The following EPHA6 variants were observed in gnomAD, a reference collection of about 807,000 sequenced individuals.
EPHA6 encodes EPH receptor A6.
EPHA6 carries 50 observed loss-of-function variants against 112.0 expected under a neutral mutation model. The observed-to-expected ratio is 0.45, with a 90% CI of 0.36 to 0.56. EPHA6 has a LOEUF of 0.56. EPHA6 is among the 20% of genes least tolerant of loss of function. The probability of loss-of-function intolerance (pLI) is 0.00; values close to 1 mark genes in which losing one functional copy is unlikely to be tolerated. For missense variants in EPHA6, 1,280 were observed against 1,417.4 expected, an observed-to-expected ratio of 0.90 and a Z score of 1.56; for synonymous variants, 529 against 490.7, an observed-to-expected ratio of 1.08 and a Z score of -1.03.
chr3:97,010,642 T>A (rs1002565011), intron 3 of EPHA6, among the ~76,000 whole-genome samples: 10 of 152,024 alleles, frequency 6.6e-5, no homozygotes, highest in South Asian at 2.1e-4. Flanking sequence ...TTATCTTATT[T>A]AAAAAAATTA....
chr3:97,604,334 C>A (rs1480624942), intron 12 of EPHA6, among the ~76,000 whole-genome samples: 1 of 151,542 alleles, frequency 6.6e-6, no homozygotes, highest in East Asian at 1.9e-4. Flanking sequence ...ATAGAGTAAC[C>A]AATCATCCTA....
At chr3:97,677,331 T>A (rs878950617) in intron 14 of EPHA6, among the ~76,000 whole-genome samples, 1 of 152,198 alleles carries the variant, frequency 6.6e-6, no homozygotes, top group Non-Finnish European at 1.5e-5. Context: ...TTTCTGTTTT[T>A]AATGTGCTTG....
At chr3:97,012,213 G>A (rs1265170345) in intron 3 of EPHA6, among the ~76,000 whole-genome samples, 1 of 152,034 alleles carries the variant, frequency 6.6e-6, no homozygotes, top group Non-Finnish European at 1.5e-5. Flanking sequence ...TTTGTTTTAA[G>A]TTCTTTGAGA....
intron 10 of EPHA6, among the ~76,000 whole-genome samples, chr3:97,511,629 C>A (rs574925414): frequency 1.2e-4 from 19 of 152,232 alleles, no homozygotes; most frequent in Non-Finnish European, 2.5e-4. Context: ...CCTATTAGGC[C>A]ATCTTGCTAG....
intron 5 of EPHA6, among the ~76,000 whole-genome samples, chr3:97,294,286 G>T (rs2080800675): frequency 6.6e-6 from 1 of 152,182 alleles, no homozygotes; most frequent in Non-Finnish European, 1.5e-5. Flanking sequence ...ACTTCAGCCA[G>T]CATCTTTGCA....
chr3:97,113,369 G>A (rs1340887451), intron 3 of EPHA6, among the ~76,000 whole-genome samples: 1 of 152,044 alleles, frequency 6.6e-6, no homozygotes, highest in Non-Finnish European at 1.5e-5. Flanking sequence ...TGCCAAAAAA[G>A]ACTTTACCCA....
chr3:97,574,010 G>A (rs1333310873), intron 11 of EPHA6, among the ~76,000 whole-genome samples: 5 of 152,014 alleles, frequency 3.3e-5, no homozygotes, highest in African/African-American at 1.2e-4. Flanking sequence ...TGATAGCTAT[G>A]ATATTCTTCT....
chr3:97,560,748 C>T (rs1471349314), intron 11 of EPHA6, among the ~76,000 whole-genome samples: 3 of 151,934 alleles, frequency 2.0e-5, no homozygotes, highest in Non-Finnish European at 4.4e-5. Flanking sequence ...AGACAATAAA[C>T]AAATACAGGG....
At chr3:96,839,112 A>C (rs532446294) in intron 1 of EPHA6, among the ~76,000 whole-genome samples, 1 of 152,230 alleles carries the variant, frequency 6.6e-6, no homozygotes, top group African/African-American at 2.4e-5. Context: ...CAAAGGTAAA[A>C]GTTTTTTTAT....
In EPHA6 at chr3:97,404,303, A is replaced by AGG. The variant is rs751328678; in HGVS notation, c.1607-846_1607-845insGG. On this transcript the variant is annotated intron_variant, in intron 5 of 17. Transcript: ENST00000389672. ...TATTTTATCCTACAGCCTAGCCAAC[A>AGG]GTGTCTTACCAAATTTTTGTACTTT... Among the ~76,000 whole-genome samples the AGG allele has an allele frequency of 2.7e-3, 333 of 123,284 alleles. 3 individuals are homozygous for AGG. Among genetic ancestry groups the AGG allele is most frequent in the African/African-American group, 0.021 (322 of 15,576 alleles). 80.9% of individuals were successfully genotyped at this position (123,284 alleles called of 152,430 possible).
intron 11 of EPHA6, among the ~76,000 whole-genome samples, chr3:97,570,778 A>G (rs1486462092): frequency 2.6e-5 from 4 of 152,184 alleles, no homozygotes; most frequent in Non-Finnish European, 5.9e-5. Flanking sequence ...CCATGACATT[A>G]CAACTCTACA....
At chr3:97,215,056 G>A (rs545261563) in intron 3 of EPHA6, among the ~76,000 whole-genome samples, 8 of 152,212 alleles carry the variant, frequency 5.3e-5, no homozygotes, top group African/African-American at 1.9e-4. Flanking sequence ...ACAGGCTATT[G>A]AACACCATGA....
intron 7 of EPHA6, among the ~76,000 whole-genome samples, chr3:97,456,575 T>C (rs1032315077): frequency 6.6e-6 from 1 of 152,172 alleles, no homozygotes; most frequent in African/African-American, 2.4e-5. Context: ...ATTTTATTAG[T>C]CTACTTATAT....
chr3:97,618,763 A>C (rs191736778), intron 13 of EPHA6, among the ~76,000 whole-genome samples: 184 of 152,184 alleles, frequency 1.2e-3, no homozygotes, highest in Non-Finnish European at 2.3e-3. Context: ...AATTGAGGAA[A>C]TAATAAATAG....
chr3:97,100,181 A>T (rs887294586), intron 3 of EPHA6, among the ~76,000 whole-genome samples: 4 of 151,320 alleles, frequency 2.6e-5, no homozygotes, highest in Non-Finnish European at 5.9e-5. Context: ...GTCTCTAATC[A>T]TAATAGAATA....
chr3:96,997,804 A>T (rs1254995803), intron 3 of EPHA6, among the ~76,000 whole-genome samples: 1 of 152,054 alleles, frequency 6.6e-6, no homozygotes, highest in East Asian at 1.9e-4. Context: ...TGATATGGAG[A>T]CATAAAATGA....
intron 5 of EPHA6, among the ~76,000 whole-genome samples, chr3:97,299,982 A>G (rs1354786527): frequency 6.6e-6 from 1 of 152,192 alleles, no homozygotes; most frequent in Non-Finnish European, 1.5e-5. Flanking sequence ...ATAGTATAAT[A>G]GGAAAATTAG....
At chr3:96,909,526 A>T (rs1020016065) in intron 2 of EPHA6, among the ~76,000 whole-genome samples, 1 of 151,960 alleles carries the variant, frequency 6.6e-6, no homozygotes, top group African/African-American at 2.4e-5. Flanking sequence ...TATGATTATA[A>T]TAAAAATAAA....
At chr3:97,248,140 G>A (rs1457761082) in intron 5 of EPHA6, among the ~76,000 whole-genome samples, 1 of 151,950 alleles carries the variant, frequency 6.6e-6, no homozygotes, top group Non-Finnish European at 1.5e-5. Context: ...GTAGTTAGGA[G>A]AAACATTCCT....
Sources: gnomAD v4.1 joint callset for allele counts (sites outside exome capture counted in the v4.1 genomes callset) on GRCh38, gnomAD v4.1.1 for gene constraint, MANE v1.5 for transcripts, NCBI Gene and HGNC (gene_info 2026-07-23, HGNC 2026-07-21) for gene names.